Variants in DNAH11 observed in about 807,000 individuals in gnomAD.
The protein encoded by DNAH11 is dynein axonemal heavy chain 11.
DNAH11 carries 442 observed loss-of-function variants against 526.0 expected under a neutral mutation model. The ratio of observed to expected loss-of-function variants is 0.84; its 90% CI spans 0.78 to 0.91. The LOEUF (loss-of-function observed/expected upper bound fraction) is 0.91. DNAH11 is among the 40% of genes least tolerant of loss of function. DNAH11 has a pLI of 0.00. For missense variants in DNAH11, 6,989 were observed against 5,448.7 expected (o/e 1.28, Z -8.90); for synonymous variants, 2,461 against 1,935.9 (o/e 1.27, Z -7.12).
At chr7:21,638,431 C>T (rs1359423734) in intron 27 of DNAH11, among the ~76,000 whole-genome samples, 1 of 152,092 alleles carries the variant, frequency 6.6e-6, no homozygotes, top group Non-Finnish European at 1.5e-5. Context: ...CATTTCTGCT[C>T]TGCTAAGGGC....
At chr7:21,852,703 G>C (rs28672970) in intron 67 of DNAH11, 72 bp downstream of exon 67, 1 of 1,461,070 alleles carries the variant, frequency 6.8e-7, no homozygotes, top group Non-Finnish European at 9.1e-7. Flanking sequence ...TGGGCAGTGT[G>C]ATCAGACTTG....
At chr7:21,748,003 G>C (rs144396916) in intron 51 of DNAH11, among the ~76,000 whole-genome samples, 6 of 152,314 alleles carry the variant, frequency 3.9e-5, no homozygotes, top group African/African-American at 9.6e-5. Context: ...ACTTTTGGTG[G>C]TGACAACAAA....
intron 63 of DNAH11, among the ~76,000 whole-genome samples, chr7:21,814,078 G>C (rs1040576874): frequency 1.3e-5 from 2 of 152,120 alleles, no homozygotes; most frequent in African/African-American, 4.8e-5. Context: ...TTATTTTATT[G>C]AATGCTGTAG....
At chr7:21,613,226 A>G (rs1050697756) in intron 20 of DNAH11, among the ~76,000 whole-genome samples, 1 of 152,230 alleles carries the variant, frequency 6.6e-6, no homozygotes, top group Admixed American at 6.5e-5. Flanking sequence ...TGATATATGT[A>G]GTAAACTGCA....
chr7:21,872,144 A>AC, intron 73 of DNAH11, among the ~76,000 whole-genome samples: 1 of 136,956 alleles, frequency 7.3e-6, no homozygotes, highest in Non-Finnish European at 1.6e-5. Flanking sequence ...AAAAAAAAAA[A>AC]AAAAACCTTC....
chr7:21,877,788 T>C (rs890864442), intron 74 of DNAH11, among the ~76,000 whole-genome samples: 19 of 141,184 alleles, frequency 1.3e-4, no homozygotes, highest in Admixed American at 5.6e-4. Flanking sequence ...GGCAGGAGAA[T>C]GGCATGAACC....
chr7:21,797,118 G>A (rs915227682), intron 61 of DNAH11, among the ~76,000 whole-genome samples: 3 of 151,630 alleles, frequency 2.0e-5, no homozygotes, highest in African/African-American at 7.3e-5. Flanking sequence ...CAAGGAGAAA[G>A]GTACAAACAA....
Position 21,635,606 on chromosome 7 carries a change from G to C in DNAH11, c.4501-265G>C, listed in dbSNP as rs17144811. ...TTTTTTTCTGCCTGCAATAGATGCA[G>C]GGCCTTCTTGAGAAAGACATATGAG... On this transcript the variant is annotated intron_variant, in intron 25 of 81. Transcript: ENST00000409508. Among the ~76,000 whole-genome samples, 14,715 of 150,722 alleles carry C rather than the reference G, an allele frequency of 0.098. 759 individuals carry two copies. Among genetic ancestry groups the C allele is most frequent in the South Asian group, 0.17 (832 of 4,798 alleles).
chr7:21,657,123 C>T (rs1010783160), intron 29 of DNAH11, among the ~76,000 whole-genome samples: 1 of 152,164 alleles, frequency 6.6e-6, no homozygotes, highest in Non-Finnish European at 1.5e-5. Flanking sequence ...TAAACATATA[C>T]AAATTCACCC....
chr7:21,773,684 A>T (rs1787536451), intron 55 of DNAH11, 82 bp from the exon 56 acceptor site: 2 of 1,046,176 alleles, frequency 1.9e-6, no homozygotes, highest in Non-Finnish European at 1.3e-6. Flanking sequence ...TTAGAAAAAA[A>T]ATGATCATTT....
At chr7:21,742,216 A>G in intron 49 of DNAH11, 50 bp downstream of exon 49, 1 of 1,585,676 alleles carries the variant, frequency 6.3e-7, no homozygotes, top group Non-Finnish European at 8.6e-7. Context: ...AATAATGATA[A>G]TACTATGTAT....
At chr7:21,695,560 C>G (rs547751222) in intron 35 of DNAH11, among the ~76,000 whole-genome samples, 1 of 152,112 alleles carries the variant, frequency 6.6e-6, no homozygotes, top group African/African-American at 2.4e-5. Flanking sequence ...AAAAGCTGGA[C>G]TCCTTCCTTA....
chr7:21,687,826 G>GAGAGGATTGTTTGAGCCC (rs1264039426), intron 34 of DNAH11, among the ~76,000 whole-genome samples: 3 of 152,102 alleles, frequency 2.0e-5, no homozygotes, highest in Middle Eastern at 3.2e-3. Context: ...AGTTTGAGGC[G>GAGAGGATTGTTTGAGCCC]AGAGGATTGT....
rs974052299 is a variant in DNAH11 at position 21,701,326 on chromosome 7, G to A, written c.6181-1384G>A. On this transcript the variant is annotated intron_variant, in intron 36 of 81. Coordinates refer to ENST00000409508, the MANE Select transcript of DNAH11 (RefSeq NM_001277115.2). Reference sequence around the variant, plus strand: ...TTTTTTTGAGACAGTGCCTCGCTTTGTTACCCAGGCTGGAGTACAGTAATG... The same window carrying A: ...TTTTTTTGAGACAGTGCCTCGCTTTATTACCCAGGCTGGAGTACAGTAATG... 5.0e-5 allele frequency among the ~76,000 whole-genome samples: 6 copies of A among 121,186 alleles called. No homozygotes were observed. In the Admixed American group the frequency reaches 5.4e-4, roughly 11 times the overall value. The allele number at this position is 121,186 out of a possible 152,430, so 79.5% of individuals were successfully genotyped here.
chr7:21,869,083 C>G, intron 73 of DNAH11, 92 bp downstream of exon 73: 2 of 1,553,920 alleles, frequency 1.3e-6, no homozygotes, highest in Non-Finnish European at 1.7e-6. Context: ...TCCCTTAACA[C>G]CGCTGTGCAT....
At chr7:21,710,895 C>A (rs1430633347) in intron 41 of DNAH11, among the ~76,000 whole-genome samples, 192 bp downstream of exon 41, 1 of 152,096 alleles carries the variant, frequency 6.6e-6, no homozygotes, top group Non-Finnish European at 1.5e-5. Flanking sequence ...GGAATATGTT[C>A]TCTTTGTTTC....
At chr7:21,786,566 C>T (rs1788202084) in intron 58 of DNAH11, 58 bp from the exon 59 acceptor site, 2 of 1,524,136 alleles carry the variant, frequency 1.3e-6, no homozygotes, top group South Asian at 2.7e-5. Flanking sequence ...ACTTACAGAG[C>T]TTCTCCAGAC....
chr7:21,655,455 CAT>C (rs1455945950), intron 28 of DNAH11, among the ~76,000 whole-genome samples: 1 of 152,128 alleles, frequency 6.6e-6, no homozygotes. Flanking sequence ...ATAGCTTTTT[CAT>C]AGTGTACACT....
intron 73 of DNAH11, among the ~76,000 whole-genome samples, chr7:21,871,726 G>C (rs1341308193): frequency 6.6e-6 from 1 of 152,114 alleles, no homozygotes; most frequent in Non-Finnish European, 1.5e-5. Flanking sequence ...GTATTACTTT[G>C]CTAGAGTGGA....
Sources: gnomAD v4.1 joint callset for allele counts (sites outside exome capture counted in the v4.1 genomes callset) on GRCh38, gnomAD v4.1.1 for gene constraint, MANE v1.5 for transcripts, NCBI Gene and HGNC (gene_info 2026-07-23, HGNC 2026-07-21) for gene names.